ST6GALNAC6: variants seen among roughly 807,000 people sequenced by gnomAD.
ST6GALNAC6 encodes the protein ST6 N-acetylgalactosaminide alpha-2,6-sialyltransferase 6.
In ST6GALNAC6, 19 loss-of-function variants were observed where a neutral mutation model predicts 34.3. The ratio of observed to expected loss-of-function variants is 0.55; its 90% CI spans 0.39 to 0.81. The LOEUF is 0.81. Ranked by LOEUF, ST6GALNAC6 falls within the 40% of genes least tolerant of loss-of-function variation. The pLI, the probability that ST6GALNAC6 is intolerant of heterozygous loss-of-function variation, is 0.00. For synonymous variants in ST6GALNAC6, 185 were observed against 182.1 expected (o/e 1.02, Z -0.13); for missense variants, 377 against 467.7 (o/e 0.81, Z 1.79).
At position 127,890,241 on chromosome 9, in the gene ST6GALNAC6, A is replaced by G. The variant is rs1306876912; in HGVS notation, c.704+396T>C. ...TGGGAGTGATGCATCGCTGGAGCAG[A>G]GCATGCCAGGAGCAACTGTGTGCTT... On this transcript the variant is annotated intron_variant, in intron 5 of 6. Transcript: ENST00000373146. This position sits in a 1 kb window ranked among gnomAD's most constrained non-coding sequence, Gnocchi z 4.3. Among the ~76,000 whole-genome samples, 4 of 152,124 alleles carry G rather than the reference A, an allele frequency of 2.6e-5. No individual in the cohort carries two copies. Among genetic ancestry groups the G allele is most frequent in the Non-Finnish European group, 4.4e-5 (3 of 67,994 alleles).
At chr9:127,897,753 C>A in intron 2 of ST6GALNAC6, 1 of 1,309,366 alleles carries the variant, frequency 7.6e-7, no homozygotes, top group South Asian at 1.6e-5. Context: ...CCCAGGGGTC[C>A]AGCCGCCTAT....
chr9:127,886,677 G>T lies in ST6GALNAC6; in HGVS notation c.924C>A (p.Arg308=), dbSNP rs774399478. The change falls in exon 7 of 7, where the codon CGC becomes CGA. Residue 308 remains arginine (R), a synonymous_variant. Coordinates refer to ENST00000373146, the MANE Select transcript of ST6GALNAC6 (RefSeq NM_013443.5). The stretch of plus-strand genomic sequence containing the variant: ...AGAAGACCCTTTTCTCGGTGATGAA[G>T]CGGTGGTGGTTGCCCTTGCGACTGT... The part of the protein sequence containing the change: ...NEHSRKGNHH[R]FITEKRVFSS... The T allele has an allele frequency of 6.2e-7, 1 of 1,614,170 alleles. No homozygotes were observed.
chr9:127,897,887 C>G (rs949866479), intron 2 of ST6GALNAC6, 69 bp downstream of exon 2: 9 of 1,612,076 alleles, frequency 5.6e-6, no homozygotes, highest in Non-Finnish European at 7.6e-6. Context: ...CGTCACAATC[C>G]TGCTCTGAGA....
At chr9:127,887,292 A>C (rs547864592) in intron 6 of ST6GALNAC6, among the ~76,000 whole-genome samples, 192 bp downstream of exon 6, 3 of 152,270 alleles carry the variant, frequency 2.0e-5, no homozygotes, top group African/African-American at 4.8e-5. Flanking sequence ...ATTAATAAAT[A>C]AACTCTGGCG....
Position 127,887,521 on chromosome 9 carries a change from C to T in ST6GALNAC6, c.775G>A (p.Val259Met), listed in dbSNP as rs757362653. The T allele has an allele frequency of 6.2e-6, 10 of 1,612,756 alleles. No individual in the cohort carries two copies. The highest frequency in any genetic ancestry group is 2.2e-5 in the East Asian group (1 of 44,884). ...GGGGGGACCATGCCATAGACATGCA[C>T]GTGGTCACACAACTCCACCGCGATC... The part of the protein sequence containing the change: ...MVIAVELCDH[V>M]HVYGMVPPNY... The change falls in exon 6 of 7, where the codon GTG becomes ATG. Residue 259 changes from valine to methionine, a missense_variant. Transcript: ENST00000373146.
intron 2 of ST6GALNAC6, 23 bp downstream of exon 2, chr9:127,897,933 C>A (rs1830571050): frequency 1.2e-6 from 2 of 1,613,200 alleles, no homozygotes; most frequent in Admixed American, 1.7e-5. Context: ...GCTGCCAGTG[C>A]GAATCCCGGT....
chr9:127,900,991 CAAAAAAAAAAAAAAAA>C (rs56673204), upstream of ST6GALNAC6, among the ~76,000 whole-genome samples: 3 of 60,986 alleles, frequency 4.9e-5, no homozygotes, highest in Non-Finnish European at 5.6e-5. Context: ...AACTCCCTAT[CAAAAAAAAAAAAAAAA>C]AAAAAAAAAA....
Position 127,894,424 on chromosome 9 carries a change from AG to A in ST6GALNAC6, c.297+87del, listed in dbSNP as rs1294109260. On this transcript the variant is annotated intron_variant, in intron 4 of 6. Coordinates refer to ENST00000373146, the MANE Select transcript of ST6GALNAC6 (RefSeq NM_013443.5). ...CACCGGAGGCAGGGCCTTGACTCTCAGGGTCCACCTTTCCTTTAGGAAAGAA... is the reference window on the plus strand; with the variant it reads ...CACCGGAGGCAGGGCCTTGACTCTCAGGTCCACCTTTCCTTTAGGAAAGAA... The A allele has an allele frequency of 2.7e-5, 41 of 1,500,296 alleles. No individual in the cohort carries two copies. The East Asian group carries it at 9.3e-4, about 34-fold the overall frequency. 92.9% of individuals were successfully genotyped at this position (1,500,296 alleles called of 1,614,324 possible).
Position 127,897,510 on chromosome 9 carries a change from G to T in ST6GALNAC6, c.26+446C>A, listed in dbSNP as rs564105035. On this transcript the variant is annotated intron_variant, in intron 2 of 6. Transcript: ENST00000373146. ...CCAACCCCGCCCCCTCCCCGTGGGA[G>T]CGCCCCTCATCCGGAGCTCGGCTTC... is the stretch of plus-strand genomic sequence containing the variant. 43 of 894,198 alleles carry T rather than the reference G, an allele frequency of 4.8e-5. No homozygotes were observed. In the African/African-American group the frequency reaches 7.2e-4, roughly 15 times the overall value. 55.4% of individuals were successfully genotyped at this position (894,198 alleles called of 1,614,324 possible). A position where few individuals can be genotyped will look rare whatever the true frequency, so the allele number is the denominator to read the frequency against.
At position 127,890,846 on chromosome 9, in the gene ST6GALNAC6, C is replaced by T. The variant is rs371541181; in HGVS notation, c.495G>A (p.Leu165=). 2 of 1,614,172 alleles carry T rather than the reference C, an allele frequency of 1.2e-6. No individual in the cohort carries two copies. The highest frequency in any genetic ancestry group is 1.7e-6 in the Non-Finnish European group (2 of 1,180,028). Residue 165 remains leucine (L), a synonymous_variant, in exon 5 of 7, where the codon CTG becomes CTA. Coordinates refer to ENST00000373146, the MANE Select transcript of ST6GALNAC6 (RefSeq NM_013443.5). The surrounding 1 kb of genome is among the most constrained non-coding windows in gnomAD (Gnocchi z 4.3). ...VVAHSSVFRV[L]RRPQEFVNRT... is the part of the protein sequence containing the mutation. ...GGTTGACAAACTCCTGGGGCCTCCT[C>T]AGCACGCGGAACACACTGGAATGGG...
At chr9:127,904,616 G>C (rs1830866692), upstream of ST6GALNAC6, 1 of 152,352 alleles carries the variant, frequency 6.6e-6, no homozygotes, top group Non-Finnish European at 1.5e-5. Flanking sequence ...GCAGCGGGTC[G>C]TGGGCAGAGC....
chr9:127,892,535 G>A (rs1432282132), intron 4 of ST6GALNAC6, among the ~76,000 whole-genome samples: 1 of 152,160 alleles, frequency 6.6e-6, no homozygotes, highest in Non-Finnish European at 1.5e-5. Flanking sequence ...TTCGATAGAA[G>A]GTGGTCACTA....
At chr9:127,895,636 A>G (rs913568522) in intron 3 of ST6GALNAC6, among the ~76,000 whole-genome samples, 3 of 152,162 alleles carry the variant, frequency 2.0e-5, no homozygotes, top group Non-Finnish European at 4.4e-5. Flanking sequence ...GTGTCCTATT[A>G]TAGTCAATAA....
chr9:127,897,356 T>C (rs1830528929), intron 2 of ST6GALNAC6: 3 of 985,946 alleles, frequency 3.0e-6, no homozygotes, highest in Non-Finnish European at 3.6e-6. Flanking sequence ...CTGTATTCTC[T>C]GAGCCCTTTG....
upstream of ST6GALNAC6, chr9:127,902,918 T>A (rs1830808653): frequency 6.7e-6 from 1 of 150,124 alleles, no homozygotes; most frequent in Admixed American, 6.6e-5. Context: ...TTTAAATATT[T>A]TTATATATTT....
chr9:127,906,394 A>G (rs1452957863), upstream of ST6GALNAC6, among the ~76,000 whole-genome samples: 1 of 152,210 alleles, frequency 6.6e-6, no homozygotes. Flanking sequence ...GCCCTGGCCC[A>G]GTCCTCTGAG....
chr9:127,899,123 C>T (rs997826167), intron 1 of ST6GALNAC6: 3 of 152,270 alleles, frequency 2.0e-5, no homozygotes, highest in African/African-American at 7.2e-5. Context: ...CTCCTAAATC[C>T]AAGACGATGC....
chr9:127,888,720 C>T (rs1240199212), intron 5 of ST6GALNAC6, among the ~76,000 whole-genome samples: 2 of 152,064 alleles, frequency 1.3e-5, no homozygotes, highest in Admixed American at 1.3e-4. Context: ...GCAGGAGAAT[C>T]GCTTGAACTT....
rs1830069419 is a variant in ST6GALNAC6, at chr9:127,890,523, C to T, written c.704+114G>A. ...CCTAGGAGGCCCAACCAGAGGACGGCGGGACTTGACTACCCCTCAGAGCAG... is the reference window on the plus strand; with the variant it reads ...CCTAGGAGGCCCAACCAGAGGACGGTGGGACTTGACTACCCCTCAGAGCAG... On this transcript the variant is annotated intron_variant, in intron 5 of 6. Coordinates refer to ENST00000373146, the MANE Select transcript of ST6GALNAC6 (RefSeq NM_013443.5). The surrounding 1 kb of genome is among the most constrained non-coding windows in gnomAD (Gnocchi z 4.3). 13 of 1,473,718 alleles carry T rather than the reference C, an allele frequency of 8.8e-6. No individual in the cohort carries two copies. Among genetic ancestry groups the T allele is most frequent in the East Asian group, 4.7e-5 (2 of 42,460 alleles). 91.3% of individuals were successfully genotyped at this position (1,473,718 alleles called of 1,614,324 possible).
Sources: allele counts gnomAD v4.1 joint callset (sites outside exome capture counted in the v4.1 genomes callset), GRCh38; gene constraint gnomAD v4.1.1; non-coding constraint Gnocchi (gnomAD v3.1); transcripts MANE v1.5; gene names NCBI Gene and HGNC (gene_info 2026-07-23, HGNC 2026-07-21).